PRAMEF15: variants seen among roughly 807,000 people sequenced by gnomAD.
PRAMEF15 encodes PRAME family member 15.
In PRAMEF15, 21 loss-of-function variants were observed where a neutral mutation model predicts 35.3. The ratio of observed to expected loss-of-function variants is 0.59; its 90% CI spans 0.42 to 0.86. PRAMEF15 has a LOEUF of 0.86. PRAMEF15 is among the 40% of genes least tolerant of loss of function. The pLI is 0.00. For synonymous variants in PRAMEF15, 122 were observed against 223.3 expected (o/e 0.55, Z 4.05); for missense variants, 360 against 574.1 (o/e 0.63, Z 3.81).
rs1189716398 is a variant in PRAMEF15, at chr1:13,322,202, T to C, written c.1375T>C (p.Tyr459His). 10 of 1,607,430 alleles carry C rather than the reference T, an allele frequency of 6.2e-6. No individual in the cohort carries two copies. The African/African-American group carries it at 1.4e-4, about 22-fold the overall frequency. Residue 459 changes from tyrosine (Y) to histidine (H), a missense_variant, in exon 4 of 4, where the codon TAC (tyrosine) becomes CAC (histidine). Tyr to His is a moderately conservative substitution (Grantham distance 83). Around this residue, in one of 8 missense-constraint regions of PRAMEF15, gnomAD observed 147 missense variants for 123.5 expected, o/e 1.19. Transcript: ENST00000376152. ...HPKRILFCTD[Y>H]CPDCGNRSFY... The stretch of plus-strand genomic sequence containing the variant: ...CAAGAGGATCTTGTTCTGTACTGAC[T>C]ACTGCCCTGACTGTGGCAACAGGTC...
At chr1:13,317,801 AAG>A (rs1192662421) in intron 1 of PRAMEF15, among the ~76,000 whole-genome samples, 9 of 142,800 alleles carry the variant, frequency 6.3e-5, no homozygotes, top group African/African-American at 2.2e-4. Flanking sequence ...GAGAGAGAGA[AAG>A]AGAGAGAGAA....
chr1:13,321,173 A>G, intron 3 of PRAMEF15, among the ~76,000 whole-genome samples: 1 of 150,390 alleles, frequency 6.6e-6, no homozygotes, highest in Non-Finnish European at 1.5e-5. Flanking sequence ...CCATTCCTAT[A>G]AATGATGGTG....
intron 3 of PRAMEF15, among the ~76,000 whole-genome samples, chr1:13,320,999 C>T (rs1351805159): frequency 2.0e-5 from 3 of 152,038 alleles, no homozygotes; most frequent in East Asian, 1.9e-4. Flanking sequence ...ATGATACAGG[C>T]ATGTCAGGGA....
intron 1 of PRAMEF15, among the ~76,000 whole-genome samples, chr1:13,316,538 C>T (rs1466541281): frequency 5.3e-5 from 8 of 151,900 alleles, no homozygotes; most frequent in African/African-American, 1.9e-4. Flanking sequence ...GCCTGTAGTC[C>T]CAGCTATGTG....
At chr1:13,319,193 C>CA (rs375566005) in intron 2 of PRAMEF15, among the ~76,000 whole-genome samples, 179 bp from the exon 3 acceptor site, 2,599 of 76,864 alleles carry the variant, frequency 0.034, 45 homozygotes, top group African/African-American at 0.066. Flanking sequence ...GACTTGGTCT[C>CA]AAAAAAAAAA....
intron 1 of PRAMEF15, among the ~76,000 whole-genome samples, chr1:13,317,972 T>A (rs1640028617): frequency 6.6e-6 from 1 of 152,072 alleles, no homozygotes; most frequent in Admixed American, 6.6e-5. Flanking sequence ...TAGAACCTGT[T>A]CTAGGGATGC....
At chr1:13,319,345 C>A in intron 2 of PRAMEF15, 27 bp from the exon 3 acceptor site, 3 of 1,607,944 alleles carry the variant, frequency 1.9e-6, no homozygotes, top group Non-Finnish European at 2.5e-6. Context: ...TTCTTAAATT[C>A]TCAGTCTCAC....
intron 1 of PRAMEF15, among the ~76,000 whole-genome samples, 178 bp downstream of exon 1, chr1:13,315,836 A>G (rs1199079775): frequency 6.6e-6 from 1 of 151,580 alleles, no homozygotes; most frequent in Non-Finnish European, 1.5e-5. Flanking sequence ...CTTTATTTCA[A>G]AAAAGTTGAT....
chr1:13,320,645 A>G, intron 3 of PRAMEF15, among the ~76,000 whole-genome samples: 1 of 151,998 alleles, frequency 6.6e-6, no homozygotes, highest in Middle Eastern at 3.2e-3. Context: ...GTTATTCTCC[A>G]ACTCCTGACT....
Position 13,316,538 on chromosome 1 carries a change from C to G in PRAMEF15, c.-17+880C>G, listed in dbSNP as rs1466541281. ...CTGTGGGGGGTGCATGCCTGTAGTCCCAGCTATGTGGAAGGCTGAAGCATG... is the reference window on the plus strand; with the variant it reads ...CTGTGGGGGGTGCATGCCTGTAGTCGCAGCTATGTGGAAGGCTGAAGCATG... On this transcript the variant is annotated intron_variant, in intron 1 of 3. Coordinates refer to ENST00000376152, the MANE Select transcript of PRAMEF15 (RefSeq NM_001098376.3). Among the ~76,000 whole-genome samples, 3 of 151,900 alleles carry G rather than the reference C, an allele frequency of 2.0e-5. 1 individual carries two copies. The highest frequency in any genetic ancestry group is 7.3e-5 in the African/African-American group (3 of 41,268).
rs1324685055 is a variant in PRAMEF15 at position 13,318,546 on chromosome 1, A to T, written c.139A>T (p.Ser47Cys). ...CCCCCCACTGTTCATGGAGGCCTTC[A>T]GCAGGAGACGCTGTGAGGCCCTGAA... ...LFPPLFMEAF[S>C]RRRCEALKLM... Residue 47 changes from serine (S) to cysteine (C), a missense_variant, in exon 2 of 4, where the codon AGC becomes TGC. This residue lies in a region of PRAMEF15 where 5 missense variants were observed against 67.7 expected (regional missense o/e 0.07). Coordinates refer to ENST00000376152, the MANE Select transcript of PRAMEF15 (RefSeq NM_001098376.3). The T allele has an allele frequency of 6.2e-7, 1 of 1,614,122 alleles. No individual in the cohort carries two copies.
At chr1:13,317,375 G>T (rs1385193678) in intron 1 of PRAMEF15, among the ~76,000 whole-genome samples, 6 of 151,672 alleles carry the variant, frequency 4.0e-5, no homozygotes, top group African/African-American at 1.5e-4. Flanking sequence ...CAGCCAAAAT[G>T]GTTCAGTTTG....
In PRAMEF15 at chr1:13,322,007, A is replaced by C. The variant is rs1185434775; in HGVS notation, c.1180A>C (p.Met394Leu). ...TFSFCGNPIC[M>L]ATLENLLSHT... The stretch of plus-strand genomic sequence containing the variant: ...CAGCTTCTGTGGAAATCCCATCTGC[A>C]TGGCCACCCTGGAGAACCTGCTGAG... Residue 394 changes from methionine (M) to leucine (L), a missense_variant, in exon 4 of 4, where the codon ATG becomes CTG. Around this residue, in one of 8 missense-constraint regions of PRAMEF15, gnomAD observed 147 missense variants for 123.5 expected, o/e 1.19. Coordinates refer to ENST00000376152, the MANE Select transcript of PRAMEF15 (RefSeq NM_001098376.3). The C allele has an allele frequency of 3.1e-6, 5 of 1,609,800 alleles. No individual in the cohort carries two copies. The highest frequency in any genetic ancestry group is 2.2e-4 in the Middle Eastern group (1 of 4,544).
chr1:13,316,094 G>A (rs1639999090), intron 1 of PRAMEF15, among the ~76,000 whole-genome samples: 2 of 151,184 alleles, frequency 1.3e-5, no homozygotes, highest in South Asian at 4.2e-4. Flanking sequence ...TTACTTCCCG[G>A]GTTCAAGCAA....
chr1:13,318,134 C>G (rs1640030657), intron 1 of PRAMEF15, among the ~76,000 whole-genome samples: 1 of 152,036 alleles, frequency 6.6e-6, no homozygotes, highest in South Asian at 2.1e-4. Flanking sequence ...CCTCCATACT[C>G]ACTAGTCACT....
In PRAMEF15 at chr1:13,322,202, T is replaced by A. The variant is rs1189716398; in HGVS notation, c.1375T>A (p.Tyr459Asn). The change falls in exon 4 of 4, where the codon TAC becomes AAC. Residue 459 changes from tyrosine to asparagine, a missense_variant. Coordinates refer to ENST00000376152, the MANE Select transcript of PRAMEF15 (RefSeq NM_001098376.3). ...HPKRILFCTD[Y>N]CPDCGNRSFY... ...CAAGAGGATCTTGTTCTGTACTGACTACTGCCCTGACTGTGGCAACAGGTC... is the reference window on the plus strand; with the variant it reads ...CAAGAGGATCTTGTTCTGTACTGACAACTGCCCTGACTGTGGCAACAGGTC... 2.5e-5 allele frequency: 40 copies of A among 1,607,530 alleles called. 1 individual carries two copies. The highest frequency in any genetic ancestry group is 3.4e-5 in the Admixed American group (2 of 59,588).
chr1:13,319,335 T>A, intron 2 of PRAMEF15, 37 bp from the exon 3 acceptor site: 1 of 1,605,606 alleles, frequency 6.2e-7, no homozygotes, highest in Non-Finnish European at 8.5e-7. Context: ...CAGAAATGAG[T>A]TCTTAAATTC....
rs1410888506 is a variant in PRAMEF15, at chr1:13,321,895, C to G, written c.1068C>G (p.Tyr356Ter). 3.7e-6 allele frequency: 6 copies of G among 1,611,286 alleles called. No individual in the cohort carries two copies. The highest frequency in any genetic ancestry group is 5.1e-6 in the Non-Finnish European group (6 of 1,179,424). The change falls in exon 4 of 4, where the codon TAC becomes TAG. Residue 356 changes from tyrosine to a stop codon, truncating the protein, a stop_gained. Coordinates refer to ENST00000376152, the MANE Select transcript of PRAMEF15 (RefSeq NM_001098376.3). LOFTEE classifies it high-confidence loss of function. ...LLEKVAATLE[Y>*]LDLDDCGIID... The stretch of plus-strand genomic sequence containing the variant: ...AAAAAGTTGCAGCCACCCTTGAGTA[C>G]CTGGATTTAGATGACTGTGGCATCA...
chr1:13,321,492 G>C (rs1251856932), intron 3 of PRAMEF15, among the ~76,000 whole-genome samples: 2,254 of 151,886 alleles, frequency 0.015, 55 homozygotes, highest in African/African-American at 0.052. Context: ...TGGGATTACA[G>C]GTGTGAGTTA....
Sources: allele counts gnomAD v4.1 joint callset (sites outside exome capture counted in the v4.1 genomes callset), GRCh38; gene constraint gnomAD v4.1.1; regional missense constraint gnomAD v4.1.1; transcripts MANE v1.5; gene names NCBI Gene and HGNC (gene_info 2026-07-23, HGNC 2026-07-21).